FBLN7: variants seen among roughly 807,000 people sequenced by gnomAD.
FBLN7 encodes fibulin 7, also known as fibulin-7.
In FBLN7, 31 loss-of-function variants were observed where a neutral mutation model predicts 44.0. The ratio of observed to expected loss-of-function variants is 0.70; its 90% CI spans 0.53 to 0.95. The LOEUF is 0.95. FBLN7 is among the 40% of genes least tolerant of loss of function. FBLN7 has a pLI of 0.00. For missense variants in FBLN7, 573 were observed against 618.5 expected (o/e 0.93, Z 0.78); for synonymous variants, 262 against 253.4 (o/e 1.03, Z -0.32).
chr2:112,197,413 AG>A, the FBLN7 span, among the ~76,000 whole-genome samples: 2 of 152,162 alleles, frequency 1.3e-5, no homozygotes, highest in African/African-American at 4.8e-5. Context: ...ACCAAAAGCT[AG>A]GAAAAGATAA....
At chr2:112,239,281 G>C in the FBLN7 span, among the ~76,000 whole-genome samples, 1 of 152,094 alleles carries the variant, frequency 6.6e-6, no homozygotes, top group Admixed American at 6.6e-5. Flanking sequence ...TTCTACACTT[G>C]GTGACACAGG....
At chr2:112,201,453 C>T in the FBLN7 span, among the ~76,000 whole-genome samples, 1 of 152,212 alleles carries the variant, frequency 6.6e-6, no homozygotes, top group Non-Finnish European at 1.5e-5. Context: ...CCCTGCCTTG[C>T]CGTTCCAGCT....
intron 6 of FBLN7, among the ~76,000 whole-genome samples, chr2:112,184,009 T>G (rs1434858237): frequency 5.3e-5 from 8 of 152,186 alleles, no homozygotes. Context: ...TGTCAGTTGA[T>G]GTAGACATGC....
chr2:112,162,274 T>G (rs1374375453), intron 2 of FBLN7, among the ~76,000 whole-genome samples: 2 of 151,824 alleles, frequency 1.3e-5, no homozygotes, highest in Admixed American at 1.3e-4. Flanking sequence ...CTTCGCAAAG[T>G]GCTGGGATTA....
At chr2:112,200,313 C>G in the FBLN7 span, among the ~76,000 whole-genome samples, 52 of 152,238 alleles carry the variant, frequency 3.4e-4, no homozygotes, top group African/African-American at 1.3e-3. Context: ...AGGAACTGTG[C>G]AGAGCCATGG....
the FBLN7 span, among the ~76,000 whole-genome samples, chr2:112,243,244 G>A: frequency 1.3e-5 from 2 of 152,190 alleles, no homozygotes; most frequent in African/African-American, 2.4e-5. Flanking sequence ...GACTTTAAGT[G>A]CTTCAAAATC....
intron 1 of FBLN7, among the ~76,000 whole-genome samples, chr2:112,149,016 T>G (rs951885398): frequency 2.6e-5 from 4 of 152,204 alleles, no homozygotes; most frequent in African/African-American, 9.7e-5. Context: ...TCCTCCATCA[T>G]AGTGACGCAA....
At chr2:112,228,082 T>TAAGG in the FBLN7 span, among the ~76,000 whole-genome samples, 10 of 152,224 alleles carry the variant, frequency 6.6e-5, no homozygotes, top group Admixed American at 3.3e-4. Context: ...TGATAGTGTA[T>TAAGG]AAGGACACAC....
At chr2:112,193,311 C>T in the FBLN7 span, among the ~76,000 whole-genome samples, 1,080 of 152,222 alleles carry the variant, frequency 7.1e-3, 8 homozygotes, top group Middle Eastern at 0.031. Context: ...TGTGGTGGCA[C>T]ATGCCTGTAA....
chr2:112,169,765 G>A (rs118106611), intron 3 of FBLN7, among the ~76,000 whole-genome samples: 4 of 152,240 alleles, frequency 2.6e-5, no homozygotes, highest in East Asian at 1.9e-4. Flanking sequence ...CAAGGGAAGC[G>A]AGCTGACGTT....
chr2:112,160,720 G>GCGCACACGCA, intron 2 of FBLN7, among the ~76,000 whole-genome samples: 1 of 130,964 alleles, frequency 7.6e-6, no homozygotes, highest in Admixed American at 7.7e-5. Context: ...ACACAAGCAC[G>GCGCACACGCA]CGCACACGCA....
chr2:112,232,742 A>T, the FBLN7 span, among the ~76,000 whole-genome samples: 1 of 152,224 alleles, frequency 6.6e-6, no homozygotes, highest in Admixed American at 6.5e-5. Context: ...GCCTGAAGAA[A>T]AAAATTTTTT....
At chr2:112,171,323 T>C (rs1299097696) in intron 3 of FBLN7, among the ~76,000 whole-genome samples, 1 of 151,582 alleles carries the variant, frequency 6.6e-6, no homozygotes, top group African/African-American at 2.4e-5. Flanking sequence ...AGAAGTCAAA[T>C]GGAGAAGGAG....
At chr2:112,154,165 A>G (rs147470678) in intron 1 of FBLN7, among the ~76,000 whole-genome samples, 172 of 152,350 alleles carry the variant, frequency 1.1e-3, no homozygotes, top group African/African-American at 3.8e-3. Flanking sequence ...TTCTACTCAA[A>G]GATGGAAGGT....
chr2:112,184,862 G>A (rs530672311), intron 6 of FBLN7, among the ~76,000 whole-genome samples: 3 of 148,688 alleles, frequency 2.0e-5, no homozygotes, highest in South Asian at 4.2e-4. Context: ...TATATATGAA[G>A]AATAACAGCC....
downstream of FBLN7, chr2:112,190,748 G>C (rs1340189576): frequency 1.3e-5 from 2 of 152,130 alleles, no homozygotes; most frequent in Non-Finnish European, 2.9e-5. Context: ...CCTGAAATCA[G>C]CTGTTTTCTC....
chr2:112,164,958 G>A (rs1284394874), intron 2 of FBLN7, 43 bp from the exon 3 acceptor site: 4 of 1,600,320 alleles, frequency 2.5e-6, no homozygotes, highest in African/African-American at 2.7e-5. Flanking sequence ...AAGGGCTGTG[G>A]TCCAGGATGA....
chr2:112,203,073 T>G, the FBLN7 span, among the ~76,000 whole-genome samples: 2 of 151,870 alleles, frequency 1.3e-5, no homozygotes, highest in African/African-American at 2.4e-5. Flanking sequence ...AACTGGGAAA[T>G]GAAATATCTA....
chr2:112,150,124 C>T (rs1369281510), intron 1 of FBLN7, among the ~76,000 whole-genome samples: 3 of 152,208 alleles, frequency 2.0e-5, no homozygotes, highest in Non-Finnish European at 2.9e-5. Context: ...GACGTTTCCC[C>T]GTCTGCTGGA....
Sources: allele counts gnomAD v4.1 joint callset (sites outside exome capture counted in the v4.1 genomes callset), GRCh38; gene constraint gnomAD v4.1.1; transcripts MANE v1.5; gene names NCBI Gene and HGNC (gene_info 2026-07-23, HGNC 2026-07-21).